KIF18B: variants seen among roughly 807,000 people sequenced by gnomAD.
KIF18B encodes the protein kinesin-like protein KIF18B.
KIF18B carries 49 observed loss-of-function variants against 80.9 expected under a neutral mutation model. The ratio of observed to expected loss-of-function variants is 0.61; its 90% CI spans 0.48 to 0.77. The LOEUF (loss-of-function observed/expected upper bound fraction) is 0.77. Among genes scored for constraint, KIF18B ranks in the 30% least tolerant of loss-of-function variants. The pLI is 0.00. For missense variants in KIF18B, 994 were observed against 1,127.7 expected (o/e 0.88, Z 1.70); for synonymous variants, 439 against 463.9 (o/e 0.95, Z 0.69).
chr17:44,936,122 C>T lies in KIF18B; in HGVS notation c.223G>A (p.Val75Ile). The T allele has an allele frequency of 6.2e-7, 1 of 1,613,864 alleles. No individual in the cohort carries two copies. The highest frequency in any genetic ancestry group is 1.1e-5 in the South Asian group (1 of 91,086). ...TGTTGGGTGGCCGCCTCGCCAAAGA[C>T]CCGGTCAAAGACAAACGTCAGGTCT... ...GKDLTFVFDR[V>I]FGEAATQQDV... Residue 75 changes from valine (V) to isoleucine (I), a missense_variant, in exon 2 of 16, where the codon GTC becomes ATC. Transcript: ENST00000593135.
chr17:44,931,608 G>A lies in KIF18B; in HGVS notation c.1511C>T (p.Ser504Phe), dbSNP rs935381747. The part of the protein sequence containing the change: ...FSARELDGDR[S>F]KQLALKVLCV... ...ACAGCAAGAAGATACCTACTGCTTAGAACGGTCCCCATCCAGTTCCCGTGC... is the reference window on the plus strand; with the variant it reads ...ACAGCAAGAAGATACCTACTGCTTAAAACGGTCCCCATCCAGTTCCCGTGC... The change falls in exon 11 of 16, where the codon TCT becomes TTT. Residue 504 changes from serine (S) to phenylalanine (F), a missense_variant. Physicochemically the swap from Ser to Phe is radical, Grantham distance 155. Coordinates refer to ENST00000593135, the MANE Select transcript of KIF18B (RefSeq NM_001265577.2). The A allele has an allele frequency of 1.2e-6, 2 of 1,614,002 alleles. No homozygotes were observed. The highest frequency in any genetic ancestry group is 8.5e-7 in the Non-Finnish European group (1 of 1,179,884).
rs2052217523 is a variant in KIF18B, at chr17:44,933,957, T to C, written c.1028A>G (p.Lys343Arg). ...GATCTCCTTGGCCCGGTCGGCATAT[T>C]TGAGGGTGTTGTACGTGTCCTCGTA... ...LTYEDTYNTL[K>R]YADRAKEIRL... The change falls in exon 7 of 16, where the codon AAA becomes AGA. Residue 343 changes from lysine (K) to arginine (R), a missense_variant. Physicochemically the swap from Lys to Arg is conservative, Grantham distance 26 (BLOSUM62 2). Transcript: ENST00000593135. 4 of 1,588,202 alleles carry C rather than the reference T, an allele frequency of 2.5e-6. No homozygotes were observed. Among genetic ancestry groups the C allele is most frequent in the Non-Finnish European group, 3.4e-6 (4 of 1,167,656 alleles).
At chr17:44,947,453 C>T (rs947860025) in intron 1 of KIF18B, among the ~76,000 whole-genome samples, 175 bp downstream of exon 1, 1 of 152,224 alleles carries the variant, frequency 6.6e-6, no homozygotes, top group Non-Finnish European at 1.5e-5. Flanking sequence ...TTAAAGGGGT[C>T]CATGCAGACA....
chr17:44,935,404 C>T lies in KIF18B; in HGVS notation c.326G>A (p.Gly109Glu), dbSNP rs2052264847. 6.2e-7 allele frequency: 1 copy of T among 1,609,814 alleles called. No individual in the cohort carries two copies. The highest frequency in any genetic ancestry group is 8.5e-7 in the Non-Finnish European group (1 of 1,177,678). Residue 109 changes from glycine to glutamate, a missense_variant, in exon 3 of 16, where the codon GGG becomes GAG. Transcript: ENST00000593135. ...GTGTGTCTTCCCAGCCCCGGTGGCC[C>T]CGTAGGCAAACACTGCAGAGGACAT... ...QGYNCSVFAYGATGAGKTHTM... is the reference protein window; with the variant it reads ...QGYNCSVFAYEATGAGKTHTM...
At chr17:44,928,656 G>T (rs2052083229) in intron 12 of KIF18B, 78 bp from the exon 13 acceptor site, 1 of 1,398,760 alleles carries the variant, frequency 7.1e-7, no homozygotes, top group South Asian at 1.5e-5. Flanking sequence ...AACCCCTCAG[G>T]TCTCCTGGGG....
rs1934250707 is a variant in KIF18B at position 44,928,100 on chromosome 17, G to T, written c.2202C>A (p.Pro734=). The part of the protein sequence containing the change: ...FDLSEEPPSK[P]SFHECIGWDK... ...CCCAGCCAATGCATTCATGGAAACT[G>T]GGCTTTGAGGGAGGCTCCTCAGAGA... The change falls in exon 13 of 16, where the codon CCC becomes CCA. Residue 734 remains proline (P), a synonymous_variant. Transcript: ENST00000593135. The T allele has an allele frequency of 6.4e-7, 1 of 1,572,148 alleles. No homozygotes were observed.
chr17:44,945,484 T>C (rs932387728), intron 1 of KIF18B, among the ~76,000 whole-genome samples: 35 of 152,256 alleles, frequency 2.3e-4, no homozygotes, highest in African/African-American at 7.7e-4. Context: ...AGACTATAAG[T>C]TGCCCTCTAA....
chr17:44,926,882 G>T, intron 14 of KIF18B, 107 bp downstream of exon 14: 1 of 947,898 alleles, frequency 1.1e-6, no homozygotes, highest in Non-Finnish European at 1.6e-6. Flanking sequence ...GCTTGCTCCG[G>T]GGGTGTAGAG....
At chr17:44,926,612 G>T in intron 14 of KIF18B, 113 bp from the exon 15 acceptor site, 1 of 1,074,978 alleles carries the variant, frequency 9.3e-7, no homozygotes, top group Non-Finnish European at 1.3e-6. Flanking sequence ...AGCAAAGGCT[G>T]CTGGGCACCA....
In KIF18B at chr17:44,926,472, G is replaced by A. The variant is rs1301541095; in HGVS notation, c.2394C>T (p.Arg798=). Residue 798 remains arginine, a synonymous_variant, in exon 15 of 16, where the codon CGC becomes CGT. Coordinates refer to ENST00000593135, the MANE Select transcript of KIF18B (RefSeq NM_001265577.2). ...AAGTGCTGCTGGGGAGGCGGGCGAT[G>A]CGGCTGCGGCCATGGGAGACTGAGG... The part of the protein sequence containing the change: ...ASSSVSHGRS[R]IARLPSSTLK... 8 of 1,589,352 alleles carry A rather than the reference G, an allele frequency of 5.0e-6. No homozygotes were observed. Among genetic ancestry groups the A allele is most frequent in the Middle Eastern group, 1.7e-4 (1 of 6,030 alleles).
rs747124294 is a variant in KIF18B, at chr17:44,931,735, G to A, written c.1390-6C>T. ...TCTGGCATCTGGGTTGGAACCTAAA[G>A]AGGAAGGAAAAGGCACAGGTAGAGG... On this transcript the variant is annotated splice_region_variant and splice_polypyrimidine_tract_variant and intron_variant, in intron 10 of 15. Coordinates refer to ENST00000593135, the MANE Select transcript of KIF18B (RefSeq NM_001265577.2). 6.2e-7 allele frequency: 1 copy of A among 1,613,710 alleles called. No individual in the cohort carries two copies. The highest frequency in any genetic ancestry group is 1.3e-5 in the African/African-American group (1 of 74,920).
At chr17:44,938,534 C>T (rs1198670190) in intron 1 of KIF18B, among the ~76,000 whole-genome samples, 14 of 152,008 alleles carry the variant, frequency 9.2e-5, no homozygotes. Flanking sequence ...GGTAATAAAT[C>T]CTCTTCTTAT....
intron 1 of KIF18B, among the ~76,000 whole-genome samples, chr17:44,942,979 C>T (rs1255592290): frequency 6.6e-6 from 1 of 152,218 alleles, no homozygotes; most frequent in African/African-American, 2.4e-5. Context: ...GGCTGTTCTG[C>T]CCTGCAATTG....
Position 44,934,687 on chromosome 17 carries a change from C to T in KIF18B, c.577-70G>A, listed in dbSNP as rs953270084. On this transcript the variant is annotated intron_variant, in intron 4 of 15. Coordinates refer to ENST00000593135, the MANE Select transcript of KIF18B (RefSeq NM_001265577.2). This position sits in a 1 kb window ranked among gnomAD's most constrained non-coding sequence, Gnocchi z 5.4. ...AGGACTTTTCCCCTAACAGGAAGGGCTGCTCTTCAGAATCTACATCACCCC... is the reference window on the plus strand; with the variant it reads ...AGGACTTTTCCCCTAACAGGAAGGGTTGCTCTTCAGAATCTACATCACCCC... 14 of 1,375,362 alleles carry T rather than the reference C, an allele frequency of 1.0e-5. No homozygotes were observed. The highest frequency in any genetic ancestry group is 1.4e-5 in the Non-Finnish European group (14 of 1,010,542). The allele number at this position is 1,375,362 out of a possible 1,614,324, so 85.2% of individuals were successfully genotyped here. A position where few individuals can be genotyped will look rare whatever the true frequency, so the allele number is the denominator to read the frequency against.
At chr17:44,932,352 T>G (rs1278527118) in intron 9 of KIF18B, 146 bp from the exon 10 acceptor site, 1 of 887,182 alleles carries the variant, frequency 1.1e-6, no homozygotes, top group Non-Finnish European at 1.7e-6. Flanking sequence ...AAGGGACAGA[T>G]GCTTAGGTGA....
chr17:44,946,438 G>C (rs907897725), intron 1 of KIF18B, among the ~76,000 whole-genome samples: 7 of 152,178 alleles, frequency 4.6e-5, no homozygotes, highest in African/African-American at 1.4e-4. Flanking sequence ...GAGAAGATTG[G>C]AGAAAGCAAT....
At position 44,932,966 on chromosome 17, in the gene KIF18B, G is replaced by A; in HGVS notation, c.1083C>T (p.Ser361=). The A allele has an allele frequency of 1.2e-6, 2 of 1,605,828 alleles. No homozygotes were observed. Among genetic ancestry groups the A allele is most frequent in the Middle Eastern group, 1.7e-4 (1 of 6,030 alleles). ...CATACTGGCTGATGTGACAGTCCAG[G>A]CTGGTCACATTGCTCTTCAGCTGAG... ...IRLSLKSNVT[S]LDCHISQYAT... The change falls in exon 8 of 16, where the codon AGC becomes AGT. Residue 361 remains serine, a synonymous_variant. Transcript: ENST00000593135.
Position 44,936,351 on chromosome 17 carries a change from G to A in KIF18B, c.-7C>T, listed in dbSNP as rs768619651. 5.6e-6 allele frequency: 9 copies of A among 1,595,640 alleles called. No individual in the cohort carries two copies. The highest frequency in any genetic ancestry group is 6.8e-6 in the Non-Finnish European group (8 of 1,172,944). On this transcript the variant is annotated 5_prime_UTR_variant, in exon 2 of 16. Transcript: ENST00000593135. Reference sequence around the variant, plus strand: ...TGCTGTCCTCCACTGCCATCACTGTGGTGACACCTGGGTGAGACATGGTGG... The same window carrying A: ...TGCTGTCCTCCACTGCCATCACTGTAGTGACACCTGGGTGAGACATGGTGG...
At chr17:44,937,958 T>C (rs980015433) in intron 1 of KIF18B, among the ~76,000 whole-genome samples, 1 of 150,994 alleles carries the variant, frequency 6.6e-6, no homozygotes, top group Non-Finnish European at 1.5e-5. Context: ...ATTTTATCAA[T>C]GCTCTTTCAG....
Sources: gnomAD v4.1 joint callset for allele counts (sites outside exome capture counted in the v4.1 genomes callset) on GRCh38, gnomAD v4.1.1 for gene constraint, Gnocchi (gnomAD v3.1) non-coding constraint, MANE v1.5 for transcripts, NCBI Gene and HGNC (gene_info 2026-07-23, HGNC 2026-07-21) for gene names.